Variants in SLC1A6 observed in about 807,000 individuals in gnomAD.
SLC1A6 encodes excitatory amino acid transporter 4.
SLC1A6 carries 15 observed loss-of-function variants against 42.1 expected under a neutral mutation model. That is an observed-to-expected ratio of 0.36 (90% confidence interval 0.24 to 0.55). The LOEUF (loss-of-function observed/expected upper bound fraction) is 0.55. Ranked by LOEUF, SLC1A6 falls within the 20% of genes least tolerant of loss-of-function variation. The pLI is 0.88. For missense variants in SLC1A6, 542 were observed against 772.5 expected (o/e 0.70, Z 3.54); for synonymous variants, 317 against 319.7 (o/e 0.99, Z 0.09).
chr19:14,954,997 TTCTC>T (rs1194314069), intron 7 of SLC1A6, among the ~76,000 whole-genome samples: 2 of 152,224 alleles, frequency 1.3e-5, no homozygotes, highest in African/African-American at 2.4e-5. Flanking sequence ...TGTGCTAACT[TTCTC>T]TATCCATCTA....
chr19:14,989,488 C>T (rs138511439), intron 1 of SLC1A6, among the ~76,000 whole-genome samples: 11,360 of 151,576 alleles, frequency 0.075, 605 homozygotes, highest in South Asian at 0.25. Context: ...CTTGAACTCC[C>T]GACCTCAGGT....
At chr19:15,003,017 C>T (rs1272617074) in intron 1 of SLC1A6, among the ~76,000 whole-genome samples, 2 of 149,150 alleles carry the variant, frequency 1.3e-5, no homozygotes, top group South Asian at 4.2e-4. Flanking sequence ...GTCTCTGTCT[C>T]ACCCAGGCTA....
intron 3 of SLC1A6, 142 bp from the exon 4 acceptor site, chr19:14,968,649 C>T (rs2045602128): frequency 4.5e-6 from 3 of 660,110 alleles, no homozygotes; most frequent in Non-Finnish European, 7.7e-6. Context: ...CCCCAAAACC[C>T]ACCCATTACC....
chr19:15,006,910 G>T (rs2045898542), intron 1 of SLC1A6, among the ~76,000 whole-genome samples: 1 of 152,136 alleles, frequency 6.6e-6, no homozygotes, highest in Non-Finnish European at 1.5e-5. Context: ...CCATGATCGT[G>T]CTACTGCACT....
intron 1 of SLC1A6, 109 bp from the exon 2 acceptor site, chr19:14,973,026 A>C: frequency 3.6e-6 from 3 of 840,896 alleles, no homozygotes; most frequent in Non-Finnish European, 5.4e-6. Flanking sequence ...GGACTCTCAG[A>C]AGGCGGGGGT....
chr19:14,965,849 C>CAAA (rs36065519), intron 4 of SLC1A6, among the ~76,000 whole-genome samples: 2 of 129,018 alleles, frequency 1.6e-5, no homozygotes, highest in African/African-American at 5.7e-5. Flanking sequence ...GACTCTGTTT[C>CAAA]AAAAAAAAAA....
chr19:14,986,976 A>G (rs1188845770), intron 1 of SLC1A6, among the ~76,000 whole-genome samples: 1 of 152,110 alleles, frequency 6.6e-6, no homozygotes, highest in Admixed American at 6.6e-5. Context: ...CATGATAGAC[A>G]CTGTTACTCG....
chr19:14,983,742 A>AAG (rs397695478), upstream of SLC1A6, among the ~76,000 whole-genome samples: 1 of 149,118 alleles, frequency 6.7e-6, no homozygotes, highest in African/African-American at 2.5e-5. Context: ...AAAAAAAAAA[A>AAG]GGCTGTAAGG....
In SLC1A6 at chr19:14,956,739, G is replaced by A. The variant is rs1221529673; in HGVS notation, c.936-30C>T. On this transcript the variant is annotated intron_variant, in intron 6 of 9. Coordinates refer to ENST00000594383, the MANE Select transcript of SLC1A6 (RefSeq NM_005071.3). ...GTGAGGGAGCCACATACCTGTCAGG[G>A]CTCCCTCCTGACCTCCCTTGCAGGT... 4.1e-6 allele frequency: 6 copies of A among 1,476,472 alleles called. No homozygotes were observed. The South Asian group carries it at 6.0e-5, about 15-fold the overall frequency. The allele number at this position is 1,476,472 out of a possible 1,614,324, so 91.5% of individuals were successfully genotyped here.
intron 1 of SLC1A6, among the ~76,000 whole-genome samples, chr19:14,986,430 G>A (rs1163445448): frequency 2.0e-5 from 3 of 151,522 alleles, no homozygotes. Flanking sequence ...GCTGAGGGAG[G>A]AGAATTGCTT....
chr19:15,009,771 T>A (rs946051227), intron 1 of SLC1A6, among the ~76,000 whole-genome samples: 31 of 152,188 alleles, frequency 2.0e-4, no homozygotes, highest in African/African-American at 6.5e-4. Context: ...AAATTTTTTT[T>A]AAAGGCTCTT....
At chr19:14,972,437 GTT>G (rs1491437944) in intron 2 of SLC1A6, among the ~76,000 whole-genome samples, 3 of 151,938 alleles carry the variant, frequency 2.0e-5, no homozygotes, top group African/African-American at 4.8e-5. Context: ...ATAGTAAAGT[GTT>G]TGTACATTGT....
rs546202822 is a variant in SLC1A6 at position 15,009,961 on chromosome 19, C to T, written c.6+524G>A. Among the ~76,000 whole-genome samples the T allele has an allele frequency of 4.8e-3, 736 of 151,794 alleles. 10 individuals carry two copies. Among genetic ancestry groups the T allele is most frequent in the African/African-American group, 0.017 (711 of 41,420 alleles). On this transcript the variant is annotated intron_variant, in intron 1 of 8. Transcript: ENST00000430939. ...TTGGGAGGCCGAGGCAGGAGAATCA[C>T]GAGGTCAGGAGTTCGAGACCAGCCT... is the stretch of plus-strand genomic sequence containing the variant.
chr19:14,952,394 A>G (rs2045421730), intron 9 of SLC1A6, among the ~76,000 whole-genome samples: 1 of 151,636 alleles, frequency 6.6e-6, no homozygotes, highest in African/African-American at 2.4e-5. Context: ...TGAAAATACA[A>G]AAAACCAAAA....
intron 8 of SLC1A6, among the ~76,000 whole-genome samples, chr19:14,953,844 C>T (rs2045435689): frequency 1.3e-5 from 2 of 152,082 alleles, no homozygotes; most frequent in South Asian, 2.1e-4. Context: ...ATACAAGAAC[C>T]TCGGGTTATC....
chr19:14,990,587 T>C (rs1382637864), intron 1 of SLC1A6, among the ~76,000 whole-genome samples: 1 of 151,996 alleles, frequency 6.6e-6, no homozygotes, highest in Admixed American at 6.6e-5. Flanking sequence ...CTGACCAACG[T>C]GGTGAAACCC....
chr19:14,972,194 T>A (rs942595276), intron 2 of SLC1A6, among the ~76,000 whole-genome samples: 10 of 152,060 alleles, frequency 6.6e-5, no homozygotes, highest in African/African-American at 2.4e-4. Context: ...CAGGGGCATA[T>A]ACACATGAAT....
At chr19:15,008,384 A>G (rs2045906838) in intron 1 of SLC1A6, among the ~76,000 whole-genome samples, 1 of 151,292 alleles carries the variant, frequency 6.6e-6, no homozygotes, top group Non-Finnish European at 1.5e-5. Flanking sequence ...AATATCTATT[A>G]TTTTAAAAGT....
intron 4 of SLC1A6, among the ~76,000 whole-genome samples, chr19:14,966,857 C>G (rs1354540593): frequency 6.6e-6 from 1 of 151,908 alleles, no homozygotes; most frequent in Non-Finnish European, 1.5e-5. Flanking sequence ...AAGGGAACAT[C>G]ACACCCTGGG....
Sources: allele counts gnomAD v4.1 joint callset (sites outside exome capture counted in the v4.1 genomes callset), GRCh38; gene constraint gnomAD v4.1.1; transcripts MANE v1.5; gene names NCBI Gene and HGNC (gene_info 2026-07-23, HGNC 2026-07-21).